Variants in CTNND2 observed in about 807,000 individuals in gnomAD.
CTNND2 encodes catenin delta 2.
Under a neutral mutation model 144.4 loss-of-function variants are expected in CTNND2, and 22 were observed. The observed-to-expected ratio is 0.15, with a 90% CI of 0.11 to 0.22. The LOEUF (loss-of-function observed/expected upper bound fraction) is 0.22. CTNND2 is among the 10% of genes least tolerant of loss of function. CTNND2 has a pLI of 1.00. For missense variants in CTNND2, 1,353 were observed against 1,618.8 expected (o/e 0.84, Z 2.82); for synonymous variants, 751 against 695.6 (o/e 1.08, Z -1.25).
Position 11,883,107 on chromosome 5 carries a change from C to A in CTNND2, c.37+20710G>T, listed in dbSNP as rs556295422. Among the ~76,000 whole-genome samples the A allele has an allele frequency of 9.9e-5, 15 of 152,254 alleles. 1 individual carries two copies. Among genetic ancestry groups the A allele is most frequent in the Middle Eastern group, 3.4e-3 (1 of 294 alleles). ...TTACTTTCTTCATTTCTTTTTCTGACTGCTCACTGTTGGGCATATAAAAAT... is the reference window on the plus strand; with the variant it reads ...TTACTTTCTTCATTTCTTTTTCTGAATGCTCACTGTTGGGCATATAAAAAT... On this transcript the variant is annotated intron_variant, in intron 1 of 21. Coordinates refer to ENST00000304623, the MANE Select transcript of CTNND2 (RefSeq NM_001332.4).
chr5:11,381,298 C>A (rs1182727214), intron 7 of CTNND2, among the ~76,000 whole-genome samples: 1 of 152,164 alleles, frequency 6.6e-6, no homozygotes, highest in Non-Finnish European at 1.5e-5. Flanking sequence ...AACCCTGTTA[C>A]AAACTAGATC....
At chr5:11,307,029 C>A (rs539554415) in intron 9 of CTNND2, among the ~76,000 whole-genome samples, 1 of 152,194 alleles carries the variant, frequency 6.6e-6, no homozygotes, top group Non-Finnish European at 1.5e-5. Flanking sequence ...GGACCTCTGT[C>A]TTTCAGAGTG....
chr5:11,739,265 T>A (rs918346751), intron 1 of CTNND2, among the ~76,000 whole-genome samples: 1 of 152,066 alleles, frequency 6.6e-6, no homozygotes, highest in African/African-American at 2.4e-5. Flanking sequence ...TGTGGTCAGA[T>A]TACCAGGATA....
intron 1 of CTNND2, among the ~76,000 whole-genome samples, chr5:11,798,394 T>G (rs971337436): frequency 6.6e-6 from 1 of 152,236 alleles, no homozygotes; most frequent in Non-Finnish European, 1.5e-5. Flanking sequence ...TTTCTACTCT[T>G]CTGGTAACCA....
At chr5:11,131,954 A>C (rs999674993) in intron 12 of CTNND2, among the ~76,000 whole-genome samples, 3 of 111,094 alleles carry the variant, frequency 2.7e-5, no homozygotes, top group Non-Finnish European at 5.7e-5. Flanking sequence ...AAGCTCACTT[A>C]TCTAGATGGT....
Position 11,822,531 on chromosome 5 carries a change from G to A in CTNND2, c.37+81286C>T, listed in dbSNP as rs568767832. On this transcript the variant is annotated intron_variant, in intron 1 of 21. Transcript: ENST00000304623. The stretch of plus-strand genomic sequence containing the variant: ...ATAATTTCCGCATCCTGGTATTCAC[G>A]GTCTTCTCCTTGAATAAACTCCCTC... 3.3e-5 allele frequency among the ~76,000 whole-genome samples: 5 copies of A among 151,988 alleles called. 1 individual carries two copies. Among genetic ancestry groups the A allele is most frequent in the Admixed American group, 2.0e-4 (3 of 15,260 alleles).
intron 7 of CTNND2, among the ~76,000 whole-genome samples, chr5:11,365,703 G>A (rs2149773317): frequency 6.6e-6 from 1 of 152,306 alleles, no homozygotes; most frequent in Non-Finnish European, 1.5e-5. Flanking sequence ...GGAAGCCTCT[G>A]TACATCAGGA....
At chr5:11,466,511 A>C (rs866926772) in intron 3 of CTNND2, among the ~76,000 whole-genome samples, 1 of 152,258 alleles carries the variant, frequency 6.6e-6, no homozygotes, top group Non-Finnish European at 1.5e-5. Flanking sequence ...ATATAACAGA[A>C]GAACATCTAA....
At chr5:11,555,658 G>C (rs1776169809) in intron 3 of CTNND2, among the ~76,000 whole-genome samples, 1 of 151,820 alleles carries the variant, frequency 6.6e-6, no homozygotes, top group African/African-American at 2.4e-5. Flanking sequence ...AGGAATCTTA[G>C]AGGAACAATC....
intron 3 of CTNND2, among the ~76,000 whole-genome samples, chr5:11,413,196 A>G (rs1431643366): frequency 6.6e-6 from 1 of 152,214 alleles, no homozygotes; most frequent in Non-Finnish European, 1.5e-5. Context: ...TTTCAAATTC[A>G]GTCCAATGCA....
At chr5:11,634,840 A>G (rs1781597841) in intron 2 of CTNND2, among the ~76,000 whole-genome samples, 1 of 152,188 alleles carries the variant, frequency 6.6e-6, no homozygotes, top group Admixed American at 6.6e-5. Context: ...CTAAAGGTGC[A>G]GCTTGTGGTA....
At chr5:11,217,858 T>C (rs1739361005) in intron 10 of CTNND2, among the ~76,000 whole-genome samples, 1 of 152,210 alleles carries the variant, frequency 6.6e-6, no homozygotes, top group Non-Finnish European at 1.5e-5. Flanking sequence ...CCAATCTCTT[T>C]GGGTGTTTGT....
intron 9 of CTNND2, among the ~76,000 whole-genome samples, chr5:11,253,502 C>T (rs112936415): frequency 9.9e-5 from 15 of 152,220 alleles, no homozygotes; most frequent in South Asian, 4.2e-4. Flanking sequence ...TTTTGCTTGG[C>T]TCTCATTCTC....
chr5:11,262,655 G>A (rs1052492193), intron 9 of CTNND2, among the ~76,000 whole-genome samples: 32 of 150,490 alleles, frequency 2.1e-4, no homozygotes, highest in Admixed American at 4.0e-4. Context: ...CCAGCTACTC[G>A]GGAGGCTGAA....
intron 16 of CTNND2, chr5:11,027,381 CACAA>C (rs1294419562): frequency 1.3e-5 from 2 of 152,130 alleles, no homozygotes; most frequent in African/African-American, 4.8e-5. Flanking sequence ...CCACCACTAC[CACAA>C]ACAAAGTCAC....
chr5:11,252,189 T>C (rs561501240), intron 9 of CTNND2, among the ~76,000 whole-genome samples: 2 of 152,322 alleles, frequency 1.3e-5, no homozygotes, highest in East Asian at 1.9e-4. Context: ...CACCCATTTG[T>C]TGCCCTTTCC....
chr5:11,843,002 G>T (rs1794554096), intron 1 of CTNND2, among the ~76,000 whole-genome samples: 1 of 152,128 alleles, frequency 6.6e-6, no homozygotes, highest in South Asian at 2.1e-4. Context: ...ACTTGGCTCA[G>T]TCTAGAAACA....
intron 9 of CTNND2, among the ~76,000 whole-genome samples, chr5:11,297,197 T>C (rs1353791283): frequency 6.6e-6 from 1 of 152,182 alleles, no homozygotes; most frequent in Non-Finnish European, 1.5e-5. Context: ...AGTTACACAG[T>C]ACAAAAAAGT....
At chr5:11,062,165 T>C (rs75662403) in intron 16 of CTNND2, among the ~76,000 whole-genome samples, 2,042 of 152,342 alleles carry the variant, frequency 0.013, 41 homozygotes, top group African/African-American at 0.047. Context: ...TGGAAGTTAG[T>C]ACACAAGGAT....
Sources: gnomAD v4.1 joint callset for allele counts (sites outside exome capture counted in the v4.1 genomes callset) on GRCh38, gnomAD v4.1.1 for gene constraint, MANE v1.5 for transcripts, NCBI Gene and HGNC (gene_info 2026-07-23, HGNC 2026-07-21) for gene names.